Variants in PLEKHA7 observed in about 807,000 individuals in gnomAD.
The protein encoded by PLEKHA7 is pleckstrin homology domain-containing family A member 7.
Under a neutral mutation model 170.0 loss-of-function variants are expected in PLEKHA7, and 104 were observed. That is an observed-to-expected ratio of 0.61 (90% CI 0.52 to 0.72). The LOEUF is 0.72. Among genes scored for constraint, PLEKHA7 ranks in the 30% least tolerant of loss-of-function variants. The probability of loss-of-function intolerance (pLI) is 0.00; values close to 1 mark genes in which losing one functional copy is unlikely to be tolerated. For synonymous variants in PLEKHA7, 648 were observed against 660.8 expected (o/e 0.98, Z 0.30); for missense variants, 1,615 against 1,671.7 (o/e 0.97, Z 0.59).
chr11:16,858,028 T>C (rs1449926284), intron 4 of PLEKHA7, among the ~76,000 whole-genome samples: 1 of 152,192 alleles, frequency 6.6e-6, no homozygotes, highest in Non-Finnish European at 1.5e-5. Flanking sequence ...CTGTTTGGGA[T>C]TTTATCAAAT....
intron 3 of PLEKHA7, among the ~76,000 whole-genome samples, chr11:16,966,696 T>G (rs968889974): frequency 6.6e-6 from 1 of 152,212 alleles, no homozygotes; most frequent in Non-Finnish European, 1.5e-5. Context: ...CGGATTTTTT[T>G]TTTTTTAACC....
intron 3 of PLEKHA7, among the ~76,000 whole-genome samples, chr11:16,917,952 C>CA (rs1858815218): frequency 1.3e-5 from 2 of 152,172 alleles, no homozygotes; most frequent in Admixed American, 1.3e-4. Context: ...CAAAATGTCC[C>CA]ACAAGGGGCC....
In PLEKHA7 at chr11:16,791,892, A is replaced by G. The variant is rs946894651; in HGVS notation, c.2746-693T>C. ...GTTCTGTGAGGGCTGTGGTTCCTCT[A>G]CATATCAACAGACCGGCCCCTGGTT... On this transcript the variant is annotated intron_variant, in intron 19 of 26. Transcript: ENST00000531066. The surrounding 1 kb of genome is among the most constrained non-coding windows in gnomAD (Gnocchi z 4.5). Among the ~76,000 whole-genome samples, 9 of 152,150 alleles carry G rather than the reference A, an allele frequency of 5.9e-5. No individual in the cohort carries two copies. Among genetic ancestry groups the G allele is most frequent in the Non-Finnish European group, 8.8e-5 (6 of 68,018 alleles).
chr11:16,828,523 G>A (rs1415266747), intron 9 of PLEKHA7, among the ~76,000 whole-genome samples: 1 of 152,160 alleles, frequency 6.6e-6, no homozygotes, highest in Admixed American at 6.5e-5. Context: ...AGAGAACTGA[G>A]AAAAGCAAGC....
At chr11:16,896,798 CT>C (rs770746946) in intron 3 of PLEKHA7, among the ~76,000 whole-genome samples, 11 of 152,226 alleles carry the variant, frequency 7.2e-5, no homozygotes, top group Non-Finnish European at 1.6e-4. Context: ...GATACCCAGG[CT>C]CCAGGGGTGT....
chr11:16,989,683 T>A (rs920550422), intron 3 of PLEKHA7, among the ~76,000 whole-genome samples: 1 of 152,244 alleles, frequency 6.6e-6, no homozygotes, highest in Non-Finnish European at 1.5e-5. Flanking sequence ...CCCCAGGATC[T>A]GGCATGGTGC....
At chr11:16,899,253 T>G (rs1857177839) in intron 3 of PLEKHA7, among the ~76,000 whole-genome samples, 1 of 152,102 alleles carries the variant, frequency 6.6e-6, no homozygotes, top group Admixed American at 6.5e-5. Context: ...TCCCAACACT[T>G]TGGGAGGCTG....
At chr11:16,855,061 T>G (rs1031735768) in intron 5 of PLEKHA7, 68 bp from the exon 6 acceptor site, 15 of 1,355,124 alleles carry the variant, frequency 1.1e-5, no homozygotes, top group Middle Eastern at 1.8e-4. Flanking sequence ...ACTTGTATGT[T>G]AGGAGGACCG....
At chr11:16,957,908 C>T (rs1590718163) in intron 3 of PLEKHA7, among the ~76,000 whole-genome samples, 1 of 151,772 alleles carries the variant, frequency 6.6e-6, no homozygotes, top group African/African-American at 2.4e-5. Flanking sequence ...ATTCACCATG[C>T]TGGCCAACTT....
At chr11:16,978,992 C>T (rs1169407320) in intron 3 of PLEKHA7, among the ~76,000 whole-genome samples, 3 of 152,154 alleles carry the variant, frequency 2.0e-5, no homozygotes, top group African/African-American at 7.2e-5. Flanking sequence ...TCCCCAGCCA[C>T]CAGAACAAGA....
chr11:16,889,414 A>ATATATAT (rs1489389191), intron 3 of PLEKHA7, among the ~76,000 whole-genome samples: 2 of 114,912 alleles, frequency 1.7e-5, no homozygotes, highest in African/African-American at 7.6e-5. Context: ...AAAAAAAAAA[A>ATATATAT]AAAAAAATAT....
chr11:16,985,588 G>A (rs1322321077), intron 3 of PLEKHA7, among the ~76,000 whole-genome samples: 2 of 152,216 alleles, frequency 1.3e-5, no homozygotes, highest in Non-Finnish European at 2.9e-5. Flanking sequence ...AGAGGGGCAG[G>A]GAAGGCGGAA....
In PLEKHA7 at chr11:16,826,130, C is replaced by A; in HGVS notation, c.1333G>T (p.Asp445Tyr). The A allele has an allele frequency of 6.2e-7, 1 of 1,613,884 alleles. No homozygotes were observed. Among genetic ancestry groups the A allele is most frequent in the Non-Finnish European group, 8.5e-7 (1 of 1,179,824 alleles). Residue 445 changes from aspartate (D) to tyrosine (Y), a missense_variant, in exon 10 of 27, where the codon GAT (aspartate) becomes TAT (tyrosine). Physicochemically the swap from Asp to Tyr is radical, Grantham distance 160 (BLOSUM62 -3). Transcript: ENST00000531066. ...GAGTCTATTACTCACCTCCTGCTATCCCCTTTCTGGGCCCTTGCCCAGTGC... is the reference window on the plus strand; with the variant it reads ...GAGTCTATTACTCACCTCCTGCTATACCCTTTCTGGGCCCTTGCCCAGTGC... Reference protein sequence around the residue: ...VEHWARAQKGDSRSLPLDQTL... With the variant: ...VEHWARAQKGYSRSLPLDQTL...
At chr11:16,801,181 G>A in intron 16 of PLEKHA7, 106 bp from the exon 17 acceptor site, 1 of 959,576 alleles carries the variant, frequency 1.0e-6, no homozygotes, top group Admixed American at 1.8e-5. Context: ...AGGGGAAGAG[G>A]GAAGGAGACC....
chr11:16,906,670 C>G (rs1237093297), intron 3 of PLEKHA7, among the ~76,000 whole-genome samples: 2 of 139,426 alleles, frequency 1.4e-5, no homozygotes. Context: ...GATCTCGGCT[C>G]GCTACAACCT....
intron 4 of PLEKHA7, among the ~76,000 whole-genome samples, chr11:16,864,889 G>A (rs1854260709): frequency 6.6e-6 from 1 of 152,168 alleles, no homozygotes; most frequent in Non-Finnish European, 1.5e-5. Context: ...GTTGAAATTT[G>A]TATGCCTATA....
At chr11:16,904,949 A>C (rs145038769) in intron 3 of PLEKHA7, among the ~76,000 whole-genome samples, 270 of 152,314 alleles carry the variant, frequency 1.8e-3, no homozygotes, top group African/African-American at 6.0e-3. Context: ...ATGTACACCT[A>C]TTTAAAATAA....
intron 4 of PLEKHA7, among the ~76,000 whole-genome samples, chr11:16,858,678 G>A (rs900968541): frequency 2.0e-5 from 3 of 152,040 alleles, no homozygotes; most frequent in Non-Finnish European, 4.4e-5. Context: ...TTTTAGTAGA[G>A]AGGGAGTTTC....
At chr11:16,925,151 G>A (rs1409327121) in intron 3 of PLEKHA7, among the ~76,000 whole-genome samples, 1 of 152,196 alleles carries the variant, frequency 6.6e-6, no homozygotes, top group Non-Finnish European at 1.5e-5. Context: ...TGCTGTCCCC[G>A]CAGCCCGCAC....
Sources: allele counts gnomAD v4.1 joint callset (sites outside exome capture counted in the v4.1 genomes callset), GRCh38; gene constraint gnomAD v4.1.1; non-coding constraint Gnocchi (gnomAD v3.1); transcripts MANE v1.5; gene names NCBI Gene and HGNC (gene_info 2026-07-23, HGNC 2026-07-21).